Variants in ERC2 observed in about 807,000 individuals in gnomAD.
The protein encoded by ERC2 is ELKS/RAB6-interacting/CAST family member 2.
In ERC2, 42 loss-of-function variants were observed where a neutral mutation model predicts 114.8. The observed-to-expected ratio is 0.37, with a 90% CI of 0.29 to 0.47. ERC2 has a LOEUF of 0.47. ERC2 is among the 20% of genes least tolerant of loss of function. The pLI is 0.99. For missense variants in ERC2, 939 were observed against 1,150.7 expected, an observed-to-expected ratio of 0.82 and a Z score of 2.66; for synonymous variants, 454 against 425.5, an observed-to-expected ratio of 1.07 and a Z score of -0.82.
intron 17 of ERC2, among the ~76,000 whole-genome samples, chr3:55,552,461 C>G (rs989711177): frequency 1.4e-4 from 22 of 152,094 alleles, no homozygotes; most frequent in Non-Finnish European, 2.1e-4. Flanking sequence ...GGCGTCTGGA[C>G]TTTTGCACAC....
At chr3:55,710,140 T>G (rs918125611) in intron 15 of ERC2, among the ~76,000 whole-genome samples, 7 of 152,040 alleles carry the variant, frequency 4.6e-5, no homozygotes, top group African/African-American at 1.7e-4. Context: ...CACGGAACAC[T>G]TGGAGCTCAC....
chr3:55,884,915 C>T (rs1576016557), intron 14 of ERC2, among the ~76,000 whole-genome samples: 1 of 151,996 alleles, frequency 6.6e-6, no homozygotes, highest in African/African-American at 2.4e-5. Flanking sequence ...CTTATCCCTA[C>T]AAGAGTTCTG....
chr3:55,853,544 A>G (rs963704499), intron 14 of ERC2, among the ~76,000 whole-genome samples: 2 of 152,170 alleles, frequency 1.3e-5, no homozygotes, highest in Admixed American at 1.3e-4. Flanking sequence ...CAAAGAAAAA[A>G]AAAGAAAGCA....
Position 55,510,378 on chromosome 3 carries a change from A to C in ERC2, c.*938T>G, listed in dbSNP as rs2051997138. 1 of 152,172 alleles carries C rather than the reference A, an allele frequency of 6.6e-6. No individual in the cohort carries two copies. Among genetic ancestry groups the C allele is most frequent in the Non-Finnish European group, 1.5e-5 (1 of 68,014 alleles). 9.4% of individuals were successfully genotyped at this position (152,172 alleles called of 1,614,324 possible). A position where few individuals can be genotyped will look rare whatever the true frequency, so the allele number is the denominator to read the frequency against. On this transcript the variant is annotated 3_prime_UTR_variant, in exon 18 of 18. Coordinates refer to ENST00000288221, the MANE Select transcript of ERC2 (RefSeq NM_015576.3). ...AATGAGTCCCAGCTTCTTCATGGAGACCTGCATGCACCGGGATGGTAAGAG... is the reference window on the plus strand; with the variant it reads ...AATGAGTCCCAGCTTCTTCATGGAGCCCTGCATGCACCGGGATGGTAAGAG...
chr3:56,311,019 T>C (rs773096028), intron 2 of ERC2, among the ~76,000 whole-genome samples: 1 of 151,830 alleles, frequency 6.6e-6, no homozygotes, highest in Non-Finnish European at 1.5e-5. Flanking sequence ...GTGTGATTAA[T>C]AAAGTCTGAG....
intron 12 of ERC2, among the ~76,000 whole-genome samples, chr3:55,974,944 A>G (rs2069464889): frequency 6.6e-6 from 1 of 152,250 alleles, no homozygotes; most frequent in Non-Finnish European, 1.5e-5. Flanking sequence ...CACATTAAAA[A>G]GTAGTCCCTA....
chr3:55,882,716 A>G (rs1372718371), intron 14 of ERC2, among the ~76,000 whole-genome samples: 2 of 152,214 alleles, frequency 1.3e-5, no homozygotes, highest in East Asian at 1.9e-4. Context: ...GCCATTTTAT[A>G]TCAGGGACTT....
intron 2 of ERC2, among the ~76,000 whole-genome samples, chr3:56,377,408 A>T (rs1288113286): frequency 6.6e-6 from 1 of 152,200 alleles, no homozygotes; most frequent in Non-Finnish European, 1.5e-5. Context: ...GGTCCTACAG[A>T]GTTTACTTTC....
At chr3:56,021,865 C>A (rs13093416) in intron 7 of ERC2, among the ~76,000 whole-genome samples, 2 of 152,110 alleles carry the variant, frequency 1.3e-5, no homozygotes, top group South Asian at 4.1e-4. Context: ...GGATAATAGC[C>A]TCCAGCTCCA....
intron 15 of ERC2, among the ~76,000 whole-genome samples, chr3:55,721,352 T>C (rs1036898888): frequency 6.6e-6 from 1 of 152,250 alleles, no homozygotes; most frequent in Non-Finnish European, 1.5e-5. Flanking sequence ...TGTGTTAATG[T>C]TCTACTGAAC....
At chr3:56,353,730 G>A (rs1035647617) in intron 2 of ERC2, among the ~76,000 whole-genome samples, 2 of 151,210 alleles carry the variant, frequency 1.3e-5, no homozygotes, top group Non-Finnish European at 2.9e-5. Flanking sequence ...GGTGCAGCAC[G>A]CCAACATGGC....
At chr3:55,774,356 A>G (rs1431055978) in intron 14 of ERC2, among the ~76,000 whole-genome samples, 2 of 152,178 alleles carry the variant, frequency 1.3e-5, no homozygotes, top group Admixed American at 1.3e-4. Context: ...GTGCATTTAG[A>G]CACTGGGGAA....
At chr3:55,587,328 T>A (rs1284358865) in intron 17 of ERC2, among the ~76,000 whole-genome samples, 1 of 152,228 alleles carries the variant, frequency 6.6e-6, no homozygotes, top group Non-Finnish European at 1.5e-5. Context: ...TAATTTTGTA[T>A]TTTTAGTGTC....
chr3:56,306,178 T>C lies in ERC2; in HGVS notation c.658-9743A>G, dbSNP rs373735790. On this transcript the variant is annotated intron_variant, in intron 2 of 17. Transcript: ENST00000288221. Reference sequence around the variant, plus strand: ...ATATTGTCTATTGCTACTTTTGTAGTACAATTGCGAGTCAAGCAGCAGACA... The same window carrying C: ...ATATTGTCTATTGCTACTTTTGTAGCACAATTGCGAGTCAAGCAGCAGACA... Among the ~76,000 whole-genome samples the C allele has an allele frequency of 2.7e-3, 416 of 152,150 alleles. 3 individuals carry two copies. The highest frequency in any genetic ancestry group is 9.5e-3 in the African/African-American group (393 of 41,530).
At chr3:56,437,378 T>C (rs1332069583) in intron 1 of ERC2, among the ~76,000 whole-genome samples, 1 of 152,204 alleles carries the variant, frequency 6.6e-6, no homozygotes, top group African/African-American at 2.4e-5. Flanking sequence ...ACACCACACT[T>C]ATGCACTTGA....
At chr3:56,462,132 A>G (rs1385930198) in intron 1 of ERC2, among the ~76,000 whole-genome samples, 1 of 152,222 alleles carries the variant, frequency 6.6e-6, no homozygotes, top group Non-Finnish European at 1.5e-5. Context: ...TCAAGGGCTC[A>G]ATAAATGGTA....
chr3:55,680,449 G>A lies in ERC2; in HGVS notation c.*39+3345C>T, dbSNP rs1014355441. On this transcript the variant is annotated intron_variant, in intron 17 of 17. Transcript: ENST00000288221. ...ATGCCTCTTGGGGGATCCATGGAAAGCACCTTCATTCAATGTAAATGAAGA... is the reference window on the plus strand; with the variant it reads ...ATGCCTCTTGGGGGATCCATGGAAAACACCTTCATTCAATGTAAATGAAGA... 3.9e-5 allele frequency among the ~76,000 whole-genome samples: 6 copies of A among 152,182 alleles called. 1 individual carries two copies. The highest frequency in any genetic ancestry group is 2.6e-4 in the Admixed American group (4 of 15,276).
At chr3:55,832,802 A>C (rs2060668276) in intron 14 of ERC2, among the ~76,000 whole-genome samples, 1 of 152,216 alleles carries the variant, frequency 6.6e-6, no homozygotes, top group Non-Finnish European at 1.5e-5. Context: ...AGACGATCAA[A>C]CTACTCTGAG....
chr3:55,974,285 G>A (rs1467330331), intron 12 of ERC2, among the ~76,000 whole-genome samples: 3 of 152,298 alleles, frequency 2.0e-5, no homozygotes, highest in East Asian at 1.9e-4. Flanking sequence ...GGGCTAATAC[G>A]TGGTTTGAGT....
Sources: allele counts gnomAD v4.1 joint callset (sites outside exome capture counted in the v4.1 genomes callset), GRCh38; gene constraint gnomAD v4.1.1; transcripts MANE v1.5; gene names NCBI Gene and HGNC (gene_info 2026-07-23, HGNC 2026-07-21).